KLF11: variants seen among roughly 807,000 people sequenced by gnomAD.
KLF11 encodes the protein Krueppel-like factor 11.
A neutral mutation model predicts 29.9 loss-of-function variants in KLF11; 26 were observed. The ratio of observed to expected loss-of-function variants is 0.87; its 90% CI spans 0.64 to 1.21. The LOEUF (loss-of-function observed/expected upper bound fraction) is 1.21, where lower values mean the gene tolerates loss of function less well. Among genes scored for constraint, KLF11 ranks in the 50% most tolerant of loss-of-function variants. The pLI, the probability that KLF11 is intolerant of heterozygous loss-of-function variation, is 0.00. For missense variants in KLF11, 778 were observed against 665.7 expected, an observed-to-expected ratio of 1.17 and a Z score of -1.86; for synonymous variants, 318 against 257.4, an observed-to-expected ratio of 1.24 and a Z score of -2.25.
Position 10,052,558 on chromosome 2 carries a change from G to A in KLF11, c.*51G>A, listed in dbSNP as rs968920461. On this transcript the variant is annotated 3_prime_UTR_variant, in exon 4 of 4. Transcript: ENST00000305883. ...GGATTTTTAAAAAGCCTCTTTCCAG[G>A]AATGGAACTGATGGATTCCTCTCCC... 6.3e-6 allele frequency: 10 copies of A among 1,581,534 alleles called. No homozygotes were observed. The highest frequency in any genetic ancestry group is 7.8e-6 in the Non-Finnish European group (9 of 1,159,430).
Position 10,048,473 on chromosome 2 carries a change from G to C in KLF11, c.1136G>C (p.Ser379Thr). The stretch of plus-strand genomic sequence containing the variant: ...CCTGCTCCAGTGTTCATCACCTCTA[G>C]CCAAAACTGTGTCCCTCAGGTAGAC... Reference protein sequence around the residue: ...LAPAPVFITSSQNCVPQVDFS... With the variant: ...LAPAPVFITSTQNCVPQVDFS... The change falls in exon 3 of 4, where the codon AGC becomes ACC. Residue 379 changes from serine to threonine, a missense_variant. Ser to Thr is a moderately conservative substitution (Grantham distance 58). Coordinates refer to ENST00000305883, the MANE Select transcript of KLF11 (RefSeq NM_003597.5). 1 of 1,614,038 alleles carries C rather than the reference G, an allele frequency of 6.2e-7. No individual in the cohort carries two copies. The highest frequency in any genetic ancestry group is 8.5e-7 in the Non-Finnish European group (1 of 1,180,038).
chr2:10,043,796 G>T, intron 1 of KLF11, 38 bp downstream of exon 1: 1 of 1,348,902 alleles, frequency 7.4e-7, no homozygotes, highest in Non-Finnish European at 9.7e-7. Flanking sequence ...CTACTCGTCT[G>T]AGCGAGGGGC....
intron 2 of KLF11, among the ~76,000 whole-genome samples, chr2:10,047,211 C>T (rs1020778155): frequency 1.3e-5 from 2 of 152,164 alleles, no homozygotes; most frequent in African/African-American, 4.8e-5. Context: ...TAATTTGCTA[C>T]ATCTGTGAAA....
chr2:10,044,116 G>T (rs1191468147), intron 1 of KLF11: 3 of 579,152 alleles, frequency 5.2e-6, no homozygotes, highest in Non-Finnish European at 6.5e-6. Context: ...GCGGCACGCG[G>T]CCTTGGGGGC....
Position 10,051,801 on chromosome 2 carries a change from G to A in KLF11, c.1259-426G>A, listed in dbSNP as rs1185369711. On this transcript the variant is annotated intron_variant, in intron 3 of 3. Transcript: ENST00000305883. ...CAAAGTGCTTGGATTACAGGCGTGA[G>A]CCACTGCGCCTGGCTGGATGCTACA... Among the ~76,000 whole-genome samples, 4 of 152,326 alleles carry A rather than the reference G, an allele frequency of 2.6e-5. No individual in the cohort carries two copies. The East Asian group carries it at 7.7e-4, about 29-fold the overall frequency.
intron 3 of KLF11, among the ~76,000 whole-genome samples, chr2:10,049,948 C>T (rs981041992): frequency 6.6e-6 from 1 of 152,190 alleles, no homozygotes; most frequent in African/African-American, 2.4e-5. Flanking sequence ...CTGCATTTCA[C>T]CGGGACTCTC....
At position 10,052,701 on chromosome 2, in the gene KLF11, G is replaced by A. The variant is rs76220150; in HGVS notation, c.*194G>A. ...GGGACCCTGTTCAGTATCTTTTGTA[G>A]TTTCAGAAGTTTTTTTGTTTTGGTT... is the stretch of plus-strand genomic sequence containing the variant. On this transcript the variant is annotated 3_prime_UTR_variant, in exon 4 of 4. Transcript: ENST00000305883. The A allele has an allele frequency of 8.8e-3, 4,266 of 487,234 alleles. 34 individuals carry two copies. Among genetic ancestry groups the A allele is most frequent in the Non-Finnish European group, 9.8e-3 (2,785 of 284,652 alleles). 30.2% of individuals were successfully genotyped at this position (487,234 alleles called of 1,614,324 possible).
At chr2:10,044,264 G>A (rs920766885) in intron 1 of KLF11, 31 of 980,524 alleles carry the variant, frequency 3.2e-5, no homozygotes, top group Non-Finnish European at 3.6e-5. Flanking sequence ...GCAACGACGG[G>A]AGGCGGGAGC....
intron 3 of KLF11, among the ~76,000 whole-genome samples, chr2:10,050,428 T>C (rs1661367809): frequency 7.5e-6 from 1 of 133,002 alleles, no homozygotes; most frequent in Admixed American, 7.7e-5. Context: ...AAAAAAAAAA[T>C]TGGCCAGGCA....
Position 10,053,520 on chromosome 2 carries a change from G to T in KLF11, c.*1013G>T. ...TGAAACTCCACCAGAGCACAGCTTA[G>T]CTGGGGCGAGATGCATGTGAAGGCA... On this transcript the variant is annotated 3_prime_UTR_variant, in exon 4 of 4. Coordinates refer to ENST00000305883, the MANE Select transcript of KLF11 (RefSeq NM_003597.5). 1 of 398,364 alleles carries T rather than the reference G, an allele frequency of 2.5e-6. No homozygotes were observed. Among genetic ancestry groups the T allele is most frequent in the Non-Finnish European group, 4.4e-6 (1 of 226,000 alleles). 24.7% of individuals were successfully genotyped at this position (398,364 alleles called of 1,614,324 possible).
At chr2:10,050,404 T>C (rs1415260078) in intron 3 of KLF11, among the ~76,000 whole-genome samples, 2 of 70,540 alleles carry the variant, frequency 2.8e-5, no homozygotes, top group Admixed American at 4.0e-4. Context: ...GAGACTCTTA[T>C]CTCAAAAAAA....
chr2:10,046,249 G>T lies in KLF11; in HGVS notation c.142G>T (p.Val48Phe). Residue 48 changes from valine (V) to phenylalanine (F), a missense_variant, in exon 2 of 4, where the codon GTC (valine) becomes TTC (phenylalanine). Physicochemically the swap from Val to Phe is conservative, Grantham distance 50. Transcript: ENST00000305883. Reference sequence around the variant, plus strand: ...CTTGGAGCAGACAGACATGGAAGCTGTCGAGGCTCTTGTTTGTATGAGCTC... The same window carrying T: ...CTTGGAGCAGACAGACATGGAAGCTTTCGAGGCTCTTGTTTGTATGAGCTC... ...SILEQTDMEA[V>F]EALVCMSSWG... 1 of 1,614,194 alleles carries T rather than the reference G, an allele frequency of 6.2e-7. No homozygotes were observed. The highest frequency in any genetic ancestry group is 8.5e-7 in the Non-Finnish European group (1 of 1,180,030).
Position 10,048,292 on chromosome 2 carries a change from G to T in KLF11, c.955G>T (p.Ala319Ser). Residue 319 changes from alanine (A) to serine (S), a missense_variant, in exon 3 of 4, where the codon GCT becomes TCT. Physicochemically the swap from Ala to Ser is moderately conservative, Grantham distance 99. Transcript: ENST00000305883. ...TGTGGGGACTGTGAGACCCATCCTA[G>T]CTCAGGCTGCTCCAGCGCCTCAACC... The part of the protein sequence containing the change: ...LSVGTVRPIL[A>S]QAAPAPQPVF... The T allele has an allele frequency of 6.2e-7, 1 of 1,601,470 alleles. No homozygotes were observed. Among genetic ancestry groups the T allele is most frequent in the Non-Finnish European group, 8.5e-7 (1 of 1,172,406 alleles).
intron 3 of KLF11, among the ~76,000 whole-genome samples, chr2:10,050,274 G>T (rs758868118): frequency 1.3e-4 from 19 of 151,010 alleles, no homozygotes; most frequent in Admixed American, 4.0e-4. Context: ...GGGCCTTCTG[G>T]CGCATGCCTA....
At chr2:10,044,220 C>G (rs1253196345) in intron 1 of KLF11, 4 of 833,904 alleles carry the variant, frequency 4.8e-6, no homozygotes, top group Admixed American at 1.8e-4. Flanking sequence ...TAGTGCCGCT[C>G]GGGCCTGGGG....
rs1421572163 is a variant in KLF11, at chr2:10,043,775, C to T, written c.42+17C>T. ...GCGCGCGCAGTGAGTGGTGGGGCTGCCGCGGCGGGACTACTCGTCTGAGCG... is the reference window on the plus strand; with the variant it reads ...GCGCGCGCAGTGAGTGGTGGGGCTGTCGCGGCGGGACTACTCGTCTGAGCG... On this transcript the variant is annotated intron_variant, in intron 1 of 3. Transcript: ENST00000305883. The T allele has an allele frequency of 2.2e-6, 3 of 1,370,522 alleles. No individual in the cohort carries two copies. The highest frequency in any genetic ancestry group is 2.9e-6 in the Non-Finnish European group (3 of 1,044,692). 84.9% of individuals were successfully genotyped at this position (1,370,522 alleles called of 1,614,324 possible). A position where few individuals can be genotyped will look rare whatever the true frequency, so the allele number is the denominator to read the frequency against.
At chr2:10,046,965 A>G (rs534556620) in intron 2 of KLF11, among the ~76,000 whole-genome samples, 28 of 152,344 alleles carry the variant, frequency 1.8e-4, no homozygotes, top group Admixed American at 1.3e-3. Flanking sequence ...TGTCCGTGGG[A>G]TGAAACCTAC....
chr2:10,043,799 C>A, intron 1 of KLF11, 41 bp downstream of exon 1: 1 of 1,338,118 alleles, frequency 7.5e-7, no homozygotes, highest in Non-Finnish European at 9.8e-7. Flanking sequence ...CTCGTCTGAG[C>A]GAGGGGCGAG....
Position 10,047,684 on chromosome 2 carries a change from AG to A in KLF11, c.348del (p.Glu116AspfsTer12). 1 of 1,613,222 alleles carries A rather than the reference AG, an allele frequency of 6.2e-7. No individual in the cohort carries two copies. The highest frequency in any genetic ancestry group is 8.5e-7 in the Non-Finnish European group (1 of 1,180,008). Reference sequence around the variant, plus strand: ...CCTCCTCAGAGCCCTGATCTCGTGGAGCCATCGACAAGGACACCTGTTTCTC... The same window carrying A: ...CCTCCTCAGAGCCCTGATCTCGTGGACCATCGACAAGGACACCTGTTTCTC... The part of the protein sequence containing the change: ...ITPPQSPDLV[E>X]PSTRTPVSPQ... On this transcript the variant is annotated frameshift_variant, in exon 3 of 4. Transcript: ENST00000305883. LOFTEE classifies it high-confidence loss of function.
Sources: allele counts gnomAD v4.1 joint callset (sites outside exome capture counted in the v4.1 genomes callset), GRCh38; gene constraint gnomAD v4.1.1; transcripts MANE v1.5; gene names NCBI Gene and HGNC (gene_info 2026-07-23, HGNC 2026-07-21).